The following CSMD3 variants were observed in gnomAD, a reference collection of about 807,000 sequenced individuals.
CSMD3 encodes the protein CUB and Sushi multiple domains 3, also known as CUB and sushi domain-containing protein 3.
CSMD3 carries 177 observed loss-of-function variants against 435.2 expected under a neutral mutation model. That is an observed-to-expected ratio of 0.41 (90% confidence interval 0.36 to 0.46). The LOEUF is 0.46. Ranked by LOEUF, CSMD3 falls within the 20% of genes least tolerant of loss-of-function variation. CSMD3 has a pLI of 0.34. For synonymous variants in CSMD3, 1,656 were observed against 1,520.5 expected, an observed-to-expected ratio of 1.09 and a Z score of -2.07; for missense variants, 4,265 against 4,504.6, an observed-to-expected ratio of 0.95 and a Z score of 1.52.
chr8:112,635,109 T>C (rs2131573965), intron 22 of CSMD3, among the ~76,000 whole-genome samples: 2 of 152,228 alleles, frequency 1.3e-5, no homozygotes, highest in Middle Eastern at 3.4e-3. Context: ...CCCACTGTAA[T>C]TGATTTTATA....
At chr8:112,709,542 A>C (rs372883150) in intron 13 of CSMD3, among the ~76,000 whole-genome samples, 7 of 152,234 alleles carry the variant, frequency 4.6e-5, no homozygotes, top group African/African-American at 1.7e-4. Flanking sequence ...AAGAAATTAC[A>C]ATTCAGAGAA....
chr8:113,396,923 C>T (rs1372325916), intron 1 of CSMD3, among the ~76,000 whole-genome samples: 2 of 152,098 alleles, frequency 1.3e-5, no homozygotes, highest in African/African-American at 4.8e-5. Flanking sequence ...TTGTCTTCTT[C>T]ACTATTTTAT....
intron 2 of CSMD3, among the ~76,000 whole-genome samples, chr8:113,293,758 T>A (rs757236254): frequency 5.9e-5 from 9 of 152,140 alleles, no homozygotes; most frequent in Admixed American, 1.3e-4. Context: ...CTAGTCATAG[T>A]TTGAAACAGA....
intron 11 of CSMD3, among the ~76,000 whole-genome samples, chr8:112,846,101 A>C (rs1329974500): frequency 6.6e-6 from 1 of 152,046 alleles, no homozygotes; most frequent in Non-Finnish European, 1.5e-5. Flanking sequence ...TTTTCATTAT[A>C]AAATGAAGCA....
At chr8:113,352,571 C>A (rs182089388) in intron 1 of CSMD3, among the ~76,000 whole-genome samples, 3 of 152,142 alleles carry the variant, frequency 2.0e-5, no homozygotes, top group African/African-American at 7.2e-5. Context: ...AAGGACAGTG[C>A]TATGTCTAGA....
chr8:112,279,241 C>T (rs939484554), intron 59 of CSMD3, among the ~76,000 whole-genome samples: 1 of 152,148 alleles, frequency 6.6e-6, no homozygotes, highest in Non-Finnish European at 1.5e-5. Context: ...CTTGAAAAAT[C>T]TTTGTGGTCT....
chr8:112,343,003 ATATATATATATATT>A (rs58579812), intron 41 of CSMD3, among the ~76,000 whole-genome samples: 24,234 of 120,694 alleles, frequency 0.2, 2,736 homozygotes, highest in Middle Eastern at 0.39. Context: ...ATATATATTT[ATATATATATATATT>A]TATATATATA....
At chr8:113,049,218 G>A (rs923497476) in intron 5 of CSMD3, among the ~76,000 whole-genome samples, 4 of 152,226 alleles carry the variant, frequency 2.6e-5, no homozygotes, top group East Asian at 1.9e-4. Flanking sequence ...CAGCCTAGGT[G>A]ACAGAGCGAA....
At chr8:113,087,633 G>A (rs1408100815) in intron 5 of CSMD3, among the ~76,000 whole-genome samples, 2 of 151,888 alleles carry the variant, frequency 1.3e-5, no homozygotes, top group Admixed American at 1.3e-4. Context: ...AATAAATGGT[G>A]CTGGGAAAAC....
At chr8:112,329,536 T>C (rs376488991) in intron 45 of CSMD3, among the ~76,000 whole-genome samples, 3 of 152,050 alleles carry the variant, frequency 2.0e-5, no homozygotes, top group Non-Finnish European at 4.4e-5. Context: ...CTCAAAACCA[T>C]CTCATACAGT....
At chr8:112,744,032 A>G (rs923114528) in intron 13 of CSMD3, among the ~76,000 whole-genome samples, 2 of 152,098 alleles carry the variant, frequency 1.3e-5, no homozygotes, top group Non-Finnish European at 2.9e-5. Context: ...GCAGCATACT[A>G]AATATAATTT....
intron 1 of CSMD3, among the ~76,000 whole-genome samples, chr8:113,342,463 T>C (rs1306788277): frequency 6.6e-6 from 1 of 152,126 alleles, no homozygotes; most frequent in African/African-American, 2.4e-5. Context: ...AAAACTGCAA[T>C]AAAATTGTAT....
In CSMD3 at chr8:113,314,230, C is replaced by A. The variant is rs116445125; in HGVS notation, c.401+341G>T. 895 of 253,744 alleles carry A rather than the reference C, an allele frequency of 3.5e-3. 11 individuals carry two copies. The highest frequency in any genetic ancestry group is 0.019 in the African/African-American group (850 of 43,900). The allele number at this position is 253,744 out of a possible 1,614,324, so 15.7% of individuals were successfully genotyped here. Reference sequence around the variant, plus strand: ...TTGGACATATTATCACTGAAATATACCTTATATAGTATGTTTTACTTTATC... The same window carrying A: ...TTGGACATATTATCACTGAAATATAACTTATATAGTATGTTTTACTTTATC... On this transcript the variant is annotated intron_variant, in intron 2 of 70. Coordinates refer to ENST00000297405, the MANE Select transcript of CSMD3 (RefSeq NM_198123.2).
chr8:113,244,241 A>C (rs2093252272), intron 3 of CSMD3, among the ~76,000 whole-genome samples: 1 of 152,212 alleles, frequency 6.6e-6, no homozygotes. Flanking sequence ...TGCAAAGTCA[A>C]GGATATATAT....
intron 1 of CSMD3, among the ~76,000 whole-genome samples, chr8:113,397,865 T>TAAATAAAGAAAG (rs1019972589): frequency 6.7e-5 from 9 of 134,124 alleles, no homozygotes; most frequent in African/African-American, 2.6e-4. Flanking sequence ...AATAAATAAA[T>TAAATAAAGAAAG]AAAGAACACA....
chr8:112,603,595 T>C (rs1313194311), intron 22 of CSMD3, among the ~76,000 whole-genome samples: 1 of 152,208 alleles, frequency 6.6e-6, no homozygotes, highest in African/African-American at 2.4e-5. Flanking sequence ...TGTGGGTAAG[T>C]TTGAAAAAAT....
intron 63 of CSMD3, among the ~76,000 whole-genome samples, chr8:112,251,357 T>TA (rs1231565891): frequency 4.0e-5 from 6 of 151,702 alleles, no homozygotes; most frequent in Non-Finnish European, 8.9e-5. Flanking sequence ...GGCAAGATCA[T>TA]AAAAAATGAA....
intron 6 of CSMD3, among the ~76,000 whole-genome samples, chr8:112,985,693 A>T (rs75622265): frequency 6.6e-6 from 1 of 152,070 alleles, no homozygotes; most frequent in East Asian, 1.9e-4. Flanking sequence ...TCTGCCACCT[A>T]TCAGATCAGT....
rs983001268 is a variant in CSMD3 at position 112,229,816 on chromosome 8, G to T, written c.10829-925C>A. On this transcript the variant is annotated intron_variant, in intron 69 of 70. Coordinates refer to ENST00000297405, the MANE Select transcript of CSMD3 (RefSeq NM_198123.2). The stretch of plus-strand genomic sequence containing the variant: ...TATGACATGAGATTTAGAACATAGC[G>T]GTAGTAGGATGGACTTCAGGGAATA... Among the ~76,000 whole-genome samples, 4 of 151,840 alleles carry T rather than the reference G, an allele frequency of 2.6e-5. No individual in the cohort carries two copies. In the East Asian group the frequency reaches 7.7e-4, roughly 29 times the overall value.
Sources: gnomAD v4.1 joint callset for allele counts (sites outside exome capture counted in the v4.1 genomes callset) on GRCh38, gnomAD v4.1.1 for gene constraint, MANE v1.5 for transcripts, NCBI Gene and HGNC (gene_info 2026-07-23, HGNC 2026-07-21) for gene names.